The following DNAI4 variants were observed in gnomAD, a reference collection of about 807,000 sequenced individuals.
The protein encoded by DNAI4 is dynein axonemal intermediate chain 4.
In DNAI4, 85 loss-of-function variants were observed where a neutral mutation model predicts 105.8. The ratio of observed to expected loss-of-function variants is 0.80; its 90% CI spans 0.67 to 0.96. The LOEUF is 0.96. Ranked by LOEUF, DNAI4 falls within the 40% of genes least tolerant of loss-of-function variation. The probability of loss-of-function intolerance (pLI) is 0.00; values close to 1 mark genes in which losing one functional copy is unlikely to be tolerated. For synonymous variants in DNAI4, 352 were observed against 331.5 expected (o/e 1.06, Z -0.67); for missense variants, 1,014 against 1,005.6 (o/e 1.01, Z -0.11).
At chr1:66,894,540 T>C (rs1200605971) in intron 2 of DNAI4, among the ~76,000 whole-genome samples, 2 of 152,134 alleles carry the variant, frequency 1.3e-5, no homozygotes, top group Admixed American at 6.5e-5. Flanking sequence ...GATTGTGCTT[T>C]AGACATCTCC....
intron 8 of DNAI4, among the ~76,000 whole-genome samples, chr1:66,847,231 T>C (rs1646295832): frequency 6.6e-6 from 1 of 152,208 alleles, no homozygotes; most frequent in Non-Finnish European, 1.5e-5. Flanking sequence ...AGATTACATT[T>C]AGAAATATAT....
chr1:66,840,202 T>G (rs939756148), intron 9 of DNAI4, among the ~76,000 whole-genome samples: 4 of 152,222 alleles, frequency 2.6e-5, no homozygotes, highest in Non-Finnish European at 4.4e-5. Context: ...GAGAATGCCA[T>G]GTCTCAAGTA....
intron 6 of DNAI4, among the ~76,000 whole-genome samples, chr1:66,870,414 C>A (rs1569671771): frequency 6.8e-6 from 1 of 148,016 alleles, no homozygotes; most frequent in East Asian, 2.0e-4. Flanking sequence ...CGCACTCCAG[C>A]CTGGGTGACA....
Position 66,874,869 on chromosome 1 carries a change from T to G in DNAI4, c.712A>C (p.Ile238Leu). 1 of 1,613,666 alleles carries G rather than the reference T, an allele frequency of 6.2e-7. No individual in the cohort carries two copies. The highest frequency in any genetic ancestry group is 8.5e-7 in the Non-Finnish European group (1 of 1,179,726). Residue 238 changes from isoleucine to leucine, a missense_variant, in exon 5 of 17, where the codon ATA becomes CTA. Coordinates refer to ENST00000371026, the MANE Select transcript of DNAI4 (RefSeq NM_024763.5). ...AGTGTTTCTGTCTCTGTGAGTATTA[T>G]CTCTATATTCTTCTCCAGGTCTTCT... Reference protein sequence around the residue: ...TKEDLEKNIEIILTETETLRF... With the variant: ...TKEDLEKNIELILTETETLRF...
intron 7 of DNAI4, among the ~76,000 whole-genome samples, chr1:66,851,190 G>A (rs1646389536): frequency 6.6e-6 from 1 of 151,712 alleles, no homozygotes; most frequent in Non-Finnish European, 1.5e-5. Context: ...AAGAAAGCAG[G>A]AGGGGCTATA....
At chr1:66,868,950 T>C (rs183987318) in intron 6 of DNAI4, among the ~76,000 whole-genome samples, 1 of 151,886 alleles carries the variant, frequency 6.6e-6, no homozygotes, top group African/African-American at 2.4e-5. Flanking sequence ...TTGGTGCGCC[T>C]GTAGTCCCAG....
chr1:66,896,040 T>C (rs1264171979), intron 2 of DNAI4, among the ~76,000 whole-genome samples: 1 of 152,180 alleles, frequency 6.6e-6, no homozygotes, highest in Non-Finnish European at 1.5e-5. Context: ...GTATTCAGGT[T>C]TTAATATCAA....
Position 66,862,184 on chromosome 1 carries a change from A to C in DNAI4, c.1059T>G (p.Asp353Glu). ...SSSKANVLPKDQDQRLPGSTT... is the reference protein window; with the variant it reads ...SSSKANVLPKEQDQRLPGSTT... The stretch of plus-strand genomic sequence containing the variant: ...TGCTCCCTGGCAATCTTTGGTCCTG[A>C]TCTTTAGGAAGTACATTTGCTTTAC... Residue 353 changes from aspartate (D) to glutamate (E), a missense_variant, in exon 7 of 17, where the codon GAT (aspartate) becomes GAG (glutamate). Coordinates refer to ENST00000371026, the MANE Select transcript of DNAI4 (RefSeq NM_024763.5). The C allele has an allele frequency of 6.2e-7, 1 of 1,601,480 alleles. No individual in the cohort carries two copies. Among genetic ancestry groups the C allele is most frequent in the Non-Finnish European group, 8.5e-7 (1 of 1,175,962 alleles).
rs755488739 is a variant in DNAI4, at chr1:66,919,791, A to C, written c.170+4871T>G. 2.0e-5 allele frequency among the ~76,000 whole-genome samples: 3 copies of C among 152,254 alleles called. No homozygotes were observed. In the South Asian group the frequency reaches 6.2e-4, roughly 32 times the overall value. On this transcript the variant is annotated intron_variant, in intron 1 of 16. Transcript: ENST00000371026. Reference sequence around the variant, plus strand: ...TGACATGTGGGAATGGAAATACCCAACTCTGGCCCCCAACAGCCATCTTTT... The same window carrying C: ...TGACATGTGGGAATGGAAATACCCACCTCTGGCCCCCAACAGCCATCTTTT...
intron 10 of DNAI4, among the ~76,000 whole-genome samples, chr1:66,836,190 A>AAGAAAGAAAG (rs1645990938): frequency 1.5e-5 from 1 of 68,524 alleles, no homozygotes. Context: ...GAAAGAAAGA[A>AAGAAAGAAAG]AGAAAGAAAG....
intron 6 of DNAI4, among the ~76,000 whole-genome samples, chr1:66,865,002 A>AT (rs1476165753): frequency 3.3e-5 from 5 of 151,924 alleles, no homozygotes; most frequent in Non-Finnish European, 5.9e-5. Flanking sequence ...CATGGTATTG[A>AT]TTTTTTCTTT....
intron 15 of DNAI4, among the ~76,000 whole-genome samples, chr1:66,825,419 G>T (rs1158496623): frequency 2.6e-5 from 4 of 151,504 alleles, no homozygotes; most frequent in African/African-American, 9.7e-5. Context: ...CTGACCTCAT[G>T]ATCCACCCGC....
At chr1:66,829,086 A>G (rs1025998368) in intron 13 of DNAI4, among the ~76,000 whole-genome samples, 1 of 152,178 alleles carries the variant, frequency 6.6e-6, no homozygotes, top group Non-Finnish European at 1.5e-5. Flanking sequence ...ACGCAGTTGC[A>G]ATCAAGGGCT....
At chr1:66,846,001 A>T (rs1257164521) in intron 8 of DNAI4, among the ~76,000 whole-genome samples, 3 of 152,182 alleles carry the variant, frequency 2.0e-5, no homozygotes, top group African/African-American at 7.2e-5. Flanking sequence ...TATACAATTT[A>T]AAATATATAT....
At chr1:66,838,267 C>T (rs941369750) in intron 9 of DNAI4, among the ~76,000 whole-genome samples, 2 of 152,104 alleles carry the variant, frequency 1.3e-5, no homozygotes, top group African/African-American at 2.4e-5. Context: ...GAAGGAATCG[C>T]AGGTTAAATA....
intron 2 of DNAI4, among the ~76,000 whole-genome samples, chr1:66,895,498 C>A (rs1226855826): frequency 6.6e-6 from 1 of 152,154 alleles, no homozygotes; most frequent in Non-Finnish European, 1.5e-5. Flanking sequence ...TAAAAAAAAT[C>A]TAATTTTTGA....
At chr1:66,814,355 C>T (rs1041810020) in intron 16 of DNAI4, among the ~76,000 whole-genome samples, 175 bp from the exon 17 acceptor site, 2 of 152,000 alleles carry the variant, frequency 1.3e-5, no homozygotes, top group Non-Finnish European at 2.9e-5. Flanking sequence ...CTAGTATAAA[C>T]CTACTCTTTC....
At chr1:66,919,392 AACACCT>A (rs1443533696) in intron 1 of DNAI4, among the ~76,000 whole-genome samples, 6 of 152,242 alleles carry the variant, frequency 3.9e-5, no homozygotes, top group Admixed American at 2.6e-4. Context: ...AAGGAGAACA[AACACCT>A]ACCTTGGAAA....
At chr1:66,913,709 G>A (rs1418883257) in intron 1 of DNAI4, among the ~76,000 whole-genome samples, 4 of 152,114 alleles carry the variant, frequency 2.6e-5, no homozygotes, top group African/African-American at 4.8e-5. Context: ...GAGGCCGGGC[G>A]CAGTGGCTCA....
Sources: allele counts gnomAD v4.1 joint callset (sites outside exome capture counted in the v4.1 genomes callset), GRCh38; gene constraint gnomAD v4.1.1; transcripts MANE v1.5; gene names NCBI Gene and HGNC (gene_info 2026-07-23, HGNC 2026-07-21).